NKAIN2: variants seen among roughly 807,000 people sequenced by gnomAD.
NKAIN2 encodes the protein sodium/potassium-transporting ATPase subunit beta-1-interacting protein 2.
A neutral mutation model predicts 32.6 loss-of-function variants in NKAIN2; 14 were observed. The ratio of observed to expected loss-of-function variants is 0.43; its 90% CI spans 0.28 to 0.67. NKAIN2 has a LOEUF of 0.67. Among genes scored for constraint, NKAIN2 ranks in the 30% least tolerant of loss-of-function variants. NKAIN2 has a pLI of 0.17. For missense variants in NKAIN2, 198 were observed against 258.3 expected (o/e 0.77, Z 1.60); for synonymous variants, 80 against 87.2 (o/e 0.92, Z 0.46).
At chr6:124,808,306 C>G (rs1322337147) in intron 5 of NKAIN2, among the ~76,000 whole-genome samples, 6 of 151,776 alleles carry the variant, frequency 4.0e-5, no homozygotes, top group African/African-American at 1.5e-4. Context: ...GGGCTTCATC[C>G]CTGGGATGCA....
At chr6:124,395,601 C>T (rs1184538470) in intron 3 of NKAIN2, among the ~76,000 whole-genome samples, 2 of 152,152 alleles carry the variant, frequency 1.3e-5, no homozygotes, top group Admixed American at 6.6e-5. Context: ...TCAGTCACAA[C>T]TGAAACTTAG....
chr6:124,222,852 G>A (rs1169274419), intron 1 of NKAIN2, among the ~76,000 whole-genome samples: 1 of 152,170 alleles, frequency 6.6e-6, no homozygotes, highest in Non-Finnish European at 1.5e-5. Flanking sequence ...CATCATTGAA[G>A]ACAAGGACAA....
At chr6:124,113,156 AC>A (rs1785460730) in intron 1 of NKAIN2, among the ~76,000 whole-genome samples, 1 of 151,992 alleles carries the variant, frequency 6.6e-6, no homozygotes, top group South Asian at 2.1e-4. Context: ...CTTGACTTGT[AC>A]AGAAGGCTCC....
chr6:123,979,249 A>T (rs1017598035), intron 1 of NKAIN2, among the ~76,000 whole-genome samples: 3 of 152,132 alleles, frequency 2.0e-5, no homozygotes, highest in Admixed American at 2.0e-4. Context: ...AAAACCTTGG[A>T]ATTAGAAAAC....
chr6:124,604,748 T>C (rs1347313429), intron 3 of NKAIN2, among the ~76,000 whole-genome samples: 1 of 152,002 alleles, frequency 6.6e-6, no homozygotes, highest in Non-Finnish European at 1.5e-5. Flanking sequence ...AAATCCACGC[T>C]CCCAGTTACT....
chr6:124,512,010 C>T (rs1253218842), intron 3 of NKAIN2, among the ~76,000 whole-genome samples: 8 of 152,104 alleles, frequency 5.3e-5, no homozygotes, highest in Non-Finnish European at 1.2e-4. Flanking sequence ...AATATCATTT[C>T]CTTTTGCTTC....
intron 6 of NKAIN2, 115 bp from the exon 7 acceptor site, chr6:124,823,102 GCTT>G (rs1781457149): frequency 3.8e-6 from 3 of 788,264 alleles, no homozygotes; most frequent in Non-Finnish European, 6.8e-6. Context: ...CCCAATTTGG[GCTT>G]CTTTTTTGTT....
At chr6:124,531,442 G>A (rs1205921924) in intron 3 of NKAIN2, among the ~76,000 whole-genome samples, 1 of 152,100 alleles carries the variant, frequency 6.6e-6, no homozygotes, top group Non-Finnish European at 1.5e-5. Context: ...ATTTAATTCA[G>A]TTTGGTAATG....
intron 2 of NKAIN2, among the ~76,000 whole-genome samples, chr6:124,348,910 C>T (rs953165482): frequency 1.3e-5 from 2 of 152,082 alleles, no homozygotes; most frequent in East Asian, 1.9e-4. Context: ...TGTGCTTTTC[C>T]GACGGGCTTA....
chr6:124,128,503 T>A (rs1392575147), intron 1 of NKAIN2, among the ~76,000 whole-genome samples: 1 of 152,202 alleles, frequency 6.6e-6, no homozygotes, highest in Admixed American at 6.5e-5. Flanking sequence ...GAACTTTATA[T>A]GTACCCTTAA....
intron 3 of NKAIN2, among the ~76,000 whole-genome samples, chr6:124,474,258 C>T (rs1777095559): frequency 6.6e-6 from 1 of 151,982 alleles, no homozygotes; most frequent in Non-Finnish European, 1.5e-5. Context: ...AGGGGCTTTT[C>T]CCCTTTGTAA....
chr6:124,806,506 C>A (rs959987417), intron 5 of NKAIN2, among the ~76,000 whole-genome samples: 10 of 151,974 alleles, frequency 6.6e-5, no homozygotes, highest in African/African-American at 2.4e-4. Context: ...CATGGAAAGG[C>A]ACAACCGGTA....
intron 5 of NKAIN2, among the ~76,000 whole-genome samples, chr6:124,812,815 C>A (rs2114864178): frequency 6.6e-6 from 1 of 152,084 alleles, no homozygotes; most frequent in African/African-American, 2.4e-5. Flanking sequence ...CTTTTCCTCC[C>A]TTTCCCCCAT....
At chr6:124,597,419 AATCCAAATTTCAGTAGGC>A (rs1782137079) in intron 3 of NKAIN2, among the ~76,000 whole-genome samples, 1 of 151,734 alleles carries the variant, frequency 6.6e-6, no homozygotes, top group African/African-American at 2.4e-5. Context: ...ATTTATCTGA[AATCCAAATTTCAGTAGGC>A]ATCCTCTATC....
chr6:124,646,484 A>C (rs951804673), intron 3 of NKAIN2, among the ~76,000 whole-genome samples: 3 of 152,100 alleles, frequency 2.0e-5, no homozygotes, highest in African/African-American at 7.2e-5. Context: ...GGGAGGAAAA[A>C]ATTAAGGATA....
intron 1 of NKAIN2, among the ~76,000 whole-genome samples, chr6:124,215,860 G>A (rs1394472571): frequency 6.6e-6 from 1 of 152,158 alleles, no homozygotes; most frequent in African/African-American, 2.4e-5. Flanking sequence ...GCTGACGCCT[G>A]TAATCCCAGC....
chr6:124,212,594 A>G (rs1216665530), intron 1 of NKAIN2, among the ~76,000 whole-genome samples: 1 of 152,140 alleles, frequency 6.6e-6, no homozygotes, highest in East Asian at 1.9e-4. Flanking sequence ...ATACACTTTC[A>G]TAGTCATTGC....
At chr6:124,522,456 T>C (rs1464612110) in intron 3 of NKAIN2, among the ~76,000 whole-genome samples, 1 of 152,150 alleles carries the variant, frequency 6.6e-6, no homozygotes, top group Non-Finnish European at 1.5e-5. Flanking sequence ...AATAATTAGT[T>C]TTAGATGAGG....
intron 3 of NKAIN2, among the ~76,000 whole-genome samples, chr6:124,546,265 A>G (rs1410293967): frequency 6.6e-6 from 1 of 152,108 alleles, no homozygotes; most frequent in African/African-American, 2.4e-5. Context: ...TAGTTCCCAG[A>G]TATGGTCCCT....
Sources: gnomAD v4.1 joint callset for allele counts (sites outside exome capture counted in the v4.1 genomes callset) on GRCh38, gnomAD v4.1.1 for gene constraint, MANE v1.5 for transcripts, NCBI Gene and HGNC (gene_info 2026-07-23, HGNC 2026-07-21) for gene names.